Variants in CDH8 observed in about 807,000 individuals in gnomAD.
CDH8 encodes cadherin-8.
CDH8 carries 17 observed loss-of-function variants against 68.1 expected under a neutral mutation model. The observed-to-expected ratio is 0.25, with a 90% CI of 0.17 to 0.37. The LOEUF is 0.37. Ranked by LOEUF, CDH8 falls within the 10% of genes least tolerant of loss-of-function variation. The pLI, the probability that CDH8 is intolerant of heterozygous loss-of-function variation, is 1.00. For missense variants in CDH8, 763 were observed against 999.3 expected (o/e 0.76, Z 3.19); for synonymous variants, 372 against 365.1 (o/e 1.02, Z -0.21).
intron 10 of CDH8, among the ~76,000 whole-genome samples, chr16:61,698,409 C>T (rs1964366061): frequency 2.0e-5 from 3 of 152,130 alleles, no homozygotes; most frequent in Non-Finnish European, 4.4e-5. Context: ...CATCATGTTG[C>T]CTCCGAGAGT....
At chr16:61,790,587 C>T (rs1370889871) in intron 7 of CDH8, among the ~76,000 whole-genome samples, 4 of 152,010 alleles carry the variant, frequency 2.6e-5, no homozygotes, top group Non-Finnish European at 5.9e-5. Context: ...AAACTCAAAG[C>T]TGAAGCATGG....
chr16:61,976,706 T>C (rs1965441205), intron 2 of CDH8, among the ~76,000 whole-genome samples: 1 of 152,166 alleles, frequency 6.6e-6, no homozygotes, highest in South Asian at 2.1e-4. Flanking sequence ...CAGTTTATAA[T>C]TTGGTGATAA....
At chr16:61,710,668 C>T (rs1964613949) in intron 10 of CDH8, 2 of 151,988 alleles carry the variant, frequency 1.3e-5, no homozygotes, top group South Asian at 4.1e-4. Context: ...CATTTCTTTA[C>T]ACACATGATT....
intron 11 of CDH8, 64 bp downstream of exon 11, chr16:61,655,406 C>T (rs2142738343): frequency 7.0e-7 from 1 of 1,431,752 alleles, no homozygotes; most frequent in African/African-American, 1.5e-5. Flanking sequence ...GTTTTCTGTC[C>T]TTATTTACAG....
intron 11 of CDH8, 63 bp from the exon 12 acceptor site, chr16:61,654,164 T>C (rs1963390312): frequency 2.7e-6 from 4 of 1,461,580 alleles, no homozygotes; most frequent in East Asian, 4.5e-5. Context: ...AGCAACACAC[T>C]ATATATGTTA....
At chr16:61,979,339 T>C (rs779043895) in intron 2 of CDH8, among the ~76,000 whole-genome samples, 1 of 152,214 alleles carries the variant, frequency 6.6e-6, no homozygotes, top group Non-Finnish European at 1.5e-5. Flanking sequence ...GTCATTAAAC[T>C]GAACTTCTCT....
Position 61,968,210 on chromosome 16 carries a change from T to G in CDH8, c.252+52942A>C, listed in dbSNP as rs185995851. ...TGATCCACTTCCAAAAAATTACAAA[T>G]GAATAGAAATTTATGCACATGACTC... On this transcript the variant is annotated intron_variant, in intron 2 of 11. Coordinates refer to ENST00000577390, the MANE Select transcript of CDH8 (RefSeq NM_001796.5). Among the ~76,000 whole-genome samples the G allele has an allele frequency of 2.6e-4, 40 of 152,320 alleles. No homozygotes were observed. In the East Asian group the frequency reaches 7.1e-3, roughly 27 times the overall value.
intron 4 of CDH8, among the ~76,000 whole-genome samples, chr16:61,848,209 T>C (rs1962855615): frequency 6.6e-6 from 1 of 152,104 alleles, no homozygotes; most frequent in Non-Finnish European, 1.5e-5. Flanking sequence ...ATTGGATGAA[T>C]GCCACTGGGG....
chr16:61,709,235 AT>A (rs1219232428), intron 10 of CDH8, among the ~76,000 whole-genome samples: 1 of 152,016 alleles, frequency 6.6e-6, no homozygotes, highest in East Asian at 1.9e-4. Flanking sequence ...AAAAAGGACA[AT>A]TGGCTTAGCA....
At chr16:61,845,502 T>TAAA (rs749345691) in intron 4 of CDH8, among the ~76,000 whole-genome samples, 20,165 of 117,298 alleles carry the variant, frequency 0.17, 1,686 homozygotes, top group East Asian at 0.23. Context: ...TCCAGATATG[T>TAAA]AAAAAAAAAA....
chr16:61,858,191 T>G (rs17822870), intron 3 of CDH8, among the ~76,000 whole-genome samples: 2,397 of 152,176 alleles, frequency 0.016, 32 homozygotes, highest in Middle Eastern at 0.027. Flanking sequence ...TTCAGCTGAA[T>G]GCAGTAGCAC....
chr16:61,790,841 CA>C (rs1324437375), intron 7 of CDH8, among the ~76,000 whole-genome samples: 1 of 151,764 alleles, frequency 6.6e-6, no homozygotes, highest in African/African-American at 2.4e-5. Flanking sequence ...AATAACTATA[CA>C]GCAAGTTACT....
intron 10 of CDH8, among the ~76,000 whole-genome samples, chr16:61,675,996 CAG>C (rs1265753636): frequency 2.0e-5 from 3 of 151,310 alleles, no homozygotes; most frequent in Middle Eastern, 3.5e-3. Flanking sequence ...AAAAATAAAA[CAG>C]AGTGAACCAG....
intron 2 of CDH8, among the ~76,000 whole-genome samples, chr16:61,971,506 T>G (rs1260423919): frequency 2.0e-5 from 3 of 152,170 alleles, no homozygotes; most frequent in African/African-American, 7.2e-5. Context: ...TGGGAATGGT[T>G]GCATACAGAG....
intron 8 of CDH8, among the ~76,000 whole-genome samples, chr16:61,765,196 T>G (rs1307162508): frequency 6.6e-6 from 1 of 152,040 alleles, no homozygotes; most frequent in Non-Finnish European, 1.5e-5. Context: ...TTAAATTAAG[T>G]GCATAAATCA....
intron 1 of CDH8, among the ~76,000 whole-genome samples, chr16:62,031,811 C>T (rs536835172): frequency 6.6e-6 from 1 of 152,142 alleles, no homozygotes; most frequent in African/African-American, 2.4e-5. Context: ...GTATTGGCCC[C>T]GGTGCTTTGC....
intron 10 of CDH8, among the ~76,000 whole-genome samples, chr16:61,703,609 G>A (rs1260864262): frequency 6.6e-6 from 1 of 152,148 alleles, no homozygotes; most frequent in Non-Finnish European, 1.5e-5. Context: ...GGGAGGCCGA[G>A]GCGCATGGAT....
intron 9 of CDH8, among the ~76,000 whole-genome samples, chr16:61,722,534 G>T (rs911240282): frequency 2.9e-4 from 43 of 150,566 alleles, no homozygotes; most frequent in African/African-American, 1.0e-3. Flanking sequence ...CTTGTAGATG[G>T]GTAATAAATA....
chr16:61,735,475 CGATAAAT>C (rs946856716), intron 8 of CDH8, among the ~76,000 whole-genome samples: 1 of 151,990 alleles, frequency 6.6e-6, no homozygotes, highest in Non-Finnish European at 1.5e-5. Context: ...CTGAGAATTT[CGATAAAT>C]GCCTTTTGTC....
Sources: allele counts gnomAD v4.1 joint callset (sites outside exome capture counted in the v4.1 genomes callset), GRCh38; gene constraint gnomAD v4.1.1; transcripts MANE v1.5; gene names NCBI Gene and HGNC (gene_info 2026-07-23, HGNC 2026-07-21).